CFAP299: variants seen among roughly 807,000 people sequenced by gnomAD.
CFAP299 encodes the protein cilia- and flagella-associated protein 299.
Under a neutral mutation model 27.0 loss-of-function variants are expected in CFAP299, and 21 were observed. The observed-to-expected ratio is 0.78, with a 90% CI of 0.55 to 1.12. The LOEUF (loss-of-function observed/expected upper bound fraction) is 1.12. Among genes scored for constraint, CFAP299 ranks in the 50% most tolerant of loss-of-function variants. CFAP299 has a pLI of 0.00. For missense variants in CFAP299, 310 were observed against 276.6 expected, an observed-to-expected ratio of 1.12 and a Z score of -0.86; for synonymous variants, 104 against 98.1, an observed-to-expected ratio of 1.06 and a Z score of -0.36.
In CFAP299 at chr4:80,693,371, A is replaced by C. The variant is rs552476411; in HGVS notation, c.333+110188A>C. Among the ~76,000 whole-genome samples the C allele has an allele frequency of 3.3e-5, 5 of 152,082 alleles. No homozygotes were observed. In the South Asian group the frequency reaches 1.0e-3, roughly 32 times the overall value. ...ACCATGGAATACTATGCAGCCATAAAAAATGATGAGTTTATGTCCTTTGTA... is the reference window on the plus strand; with the variant it reads ...ACCATGGAATACTATGCAGCCATAACAAATGATGAGTTTATGTCCTTTGTA... On this transcript the variant is annotated intron_variant, in intron 3 of 5. Coordinates refer to ENST00000358105, the MANE Select transcript of CFAP299 (RefSeq NM_152770.3).
intron 4 of CFAP299, chr4:80,872,108 A>G (rs1207151957): frequency 6.6e-6 from 1 of 152,030 alleles, no homozygotes; most frequent in Non-Finnish European, 1.5e-5. Context: ...TGTTTATTCT[A>G]CTATCTATGT....
intron 3 of CFAP299, among the ~76,000 whole-genome samples, chr4:80,656,002 T>G (rs1009597905): frequency 2.6e-5 from 4 of 152,160 alleles, no homozygotes; most frequent in African/African-American, 9.7e-5. Flanking sequence ...TTTCCTCTCA[T>G]CTGCCCATAA....
At chr4:80,399,729 T>C (rs1726035135) in intron 2 of CFAP299, among the ~76,000 whole-genome samples, 1 of 147,684 alleles carries the variant, frequency 6.8e-6, no homozygotes, top group South Asian at 2.3e-4. Context: ...TTAGGAGATA[T>C]ACCTAATGTA....
At chr4:80,530,511 A>G (rs1315189387) in intron 2 of CFAP299, among the ~76,000 whole-genome samples, 1 of 152,120 alleles carries the variant, frequency 6.6e-6, no homozygotes, top group African/African-American at 2.4e-5. Context: ...AATGTCTATT[A>G]AGTCATTCAA....
At chr4:80,764,332 C>G (rs922717334) in intron 3 of CFAP299, among the ~76,000 whole-genome samples, 2 of 151,942 alleles carry the variant, frequency 1.3e-5, no homozygotes, top group African/African-American at 2.4e-5. Flanking sequence ...ATGCGGCCAA[C>G]AAACATGAAA....
intron 3 of CFAP299, among the ~76,000 whole-genome samples, chr4:80,614,964 T>TTC (rs370546560): frequency 6.6e-6 from 1 of 152,024 alleles, no homozygotes; most frequent in African/African-American, 2.4e-5. Context: ...TCCCATTTTT[T>TTC]CACAGATACA....
chr4:80,510,451 T>C (rs935938485), intron 2 of CFAP299, among the ~76,000 whole-genome samples: 10 of 152,154 alleles, frequency 6.6e-5, no homozygotes, highest in African/African-American at 2.4e-4. Context: ...TGGAGCCATA[T>C]GTGTTCCAAA....
At chr4:80,432,888 A>G (rs1727893690) in intron 2 of CFAP299, among the ~76,000 whole-genome samples, 1 of 152,152 alleles carries the variant, frequency 6.6e-6, no homozygotes, top group African/African-American at 2.4e-5. Flanking sequence ...GGAGGGGAAT[A>G]AGTATTCTTA....
chr4:80,344,972 T>C (rs968872215), intron 1 of CFAP299, among the ~76,000 whole-genome samples: 4 of 152,190 alleles, frequency 2.6e-5, no homozygotes, highest in Admixed American at 6.5e-5. Flanking sequence ...AAACTAGATA[T>C]TGAAGAAACA....
chr4:80,859,624 G>C lies in CFAP299; in HGVS notation c.334-10369G>C, dbSNP rs565245541. 1.2e-4 allele frequency among the ~76,000 whole-genome samples: 19 copies of C among 152,046 alleles called. No individual in the cohort carries two copies. The South Asian group carries it at 3.8e-3, about 30-fold the overall frequency. Reference sequence around the variant, plus strand: ...AGGCCTGGTGGTGACAAATCTCTCAGCATTTGCTTGTCTATAAAATATTTT... The same window carrying C: ...AGGCCTGGTGGTGACAAATCTCTCACCATTTGCTTGTCTATAAAATATTTT... On this transcript the variant is annotated intron_variant, in intron 3 of 5. Coordinates refer to ENST00000358105, the MANE Select transcript of CFAP299 (RefSeq NM_152770.3).
chr4:80,776,236 A>G (rs1726533024), intron 3 of CFAP299, among the ~76,000 whole-genome samples: 1 of 152,068 alleles, frequency 6.6e-6, no homozygotes, highest in Admixed American at 6.6e-5. Context: ...TTATTTTAGA[A>G]CTTTGCCAGA....
chr4:80,735,534 T>C (rs1723805205), intron 3 of CFAP299, among the ~76,000 whole-genome samples: 1 of 152,146 alleles, frequency 6.6e-6, no homozygotes, highest in Admixed American at 6.5e-5. Context: ...GTAAAAGCTC[T>C]TAATTTTTGT....
At chr4:80,674,325 T>C (rs1299310774) in intron 3 of CFAP299, among the ~76,000 whole-genome samples, 2 of 152,182 alleles carry the variant, frequency 1.3e-5, no homozygotes, top group Admixed American at 6.5e-5. Context: ...AAAATTCTTT[T>C]CTTTAATAAT....
chr4:80,917,494 C>T (rs1203376905), intron 4 of CFAP299, among the ~76,000 whole-genome samples: 1 of 152,078 alleles, frequency 6.6e-6, no homozygotes, highest in Non-Finnish European at 1.5e-5. Flanking sequence ...GGAAGCTGGT[C>T]TTCTGCATAA....
At chr4:80,558,206 AC>A (rs1419089090) in intron 2 of CFAP299, among the ~76,000 whole-genome samples, 2 of 152,122 alleles carry the variant, frequency 1.3e-5, no homozygotes, top group Non-Finnish European at 2.9e-5. Context: ...AAGATGTAAA[AC>A]CTACTAAAAT....
chr4:80,379,594 T>TTTTTA (rs10656874), intron 2 of CFAP299, among the ~76,000 whole-genome samples: 24,534 of 151,838 alleles, frequency 0.16, 2,119 homozygotes, highest in Middle Eastern at 0.26. Context: ...TTGATGTTTG[T>TTTTTA]TTTTCATTTC....
chr4:80,825,479 A>G (rs1034457559), intron 3 of CFAP299, among the ~76,000 whole-genome samples: 1 of 152,064 alleles, frequency 6.6e-6, no homozygotes. Context: ...AGACAATTAT[A>G]AAATTCTTAA....
intron 4 of CFAP299, among the ~76,000 whole-genome samples, chr4:80,893,454 C>CAATTACAAATT (rs1334437042): frequency 4.6e-5 from 7 of 151,878 alleles, no homozygotes; most frequent in Non-Finnish European, 1.0e-4. Context: ...GTAGGCATTA[C>CAATTACAAATT]ACTGAGTGAT....
chr4:80,414,073 T>TCC (rs1553921209), intron 2 of CFAP299, among the ~76,000 whole-genome samples: 1 of 125,838 alleles, frequency 7.9e-6, no homozygotes, highest in Admixed American at 8.2e-5. Context: ...TCTTTTTTTT[T>TCC]TTTTTTTTTT....
Sources: allele counts gnomAD v4.1 joint callset (sites outside exome capture counted in the v4.1 genomes callset), GRCh38; gene constraint gnomAD v4.1.1; transcripts MANE v1.5; gene names NCBI Gene and HGNC (gene_info 2026-07-23, HGNC 2026-07-21).